Variants in TXK observed in about 807,000 individuals in gnomAD.
TXK encodes tyrosine-protein kinase TXK.
In TXK, 60 loss-of-function variants were observed where a neutral mutation model predicts 81.0. The ratio of observed to expected loss-of-function variants is 0.74; its 90% CI spans 0.60 to 0.92. The LOEUF is 0.92. TXK is among the 40% of genes least tolerant of loss of function. The pLI is 0.00. For missense variants in TXK, 581 were observed against 638.3 expected (o/e 0.91, Z 0.97); for synonymous variants, 203 against 210.7 (o/e 0.96, Z 0.32).
At chr4:48,129,601 A>G (rs1719188859) in intron 1 of TXK, among the ~76,000 whole-genome samples, 1 of 152,174 alleles carries the variant, frequency 6.6e-6, no homozygotes, top group African/African-American at 2.4e-5. Context: ...AGGTGCTGTA[A>G]GGAAAGGCAG....
intron 7 of TXK, among the ~76,000 whole-genome samples, chr4:48,094,685 C>T (rs1184665008): frequency 6.6e-6 from 1 of 152,176 alleles, no homozygotes; most frequent in East Asian, 1.9e-4. Flanking sequence ...TGCAAAGAAG[C>T]TGAGATATTT....
chr4:48,073,406 A>G (rs183626833), intron 13 of TXK, among the ~76,000 whole-genome samples: 2 of 152,316 alleles, frequency 1.3e-5, no homozygotes, highest in African/African-American at 4.8e-5. Flanking sequence ...TCAATGAAGA[A>G]CATTATCCAA....
chr4:48,070,429 C>T lies in TXK; in HGVS notation c.1515+1088G>A, dbSNP rs181939583. Among the ~76,000 whole-genome samples, 277 of 152,260 alleles carry T rather than the reference C, an allele frequency of 1.8e-3. 1 individual carries two copies. The highest frequency in any genetic ancestry group is 3.2e-3 in the Non-Finnish European group (220 of 68,016). Reference sequence around the variant, plus strand: ...CCTGACTGCCAGAAGACAGATGAAACCCATTACTATTAGCGTTGGAAAAGC... The same window carrying T: ...CCTGACTGCCAGAAGACAGATGAAATCCATTACTATTAGCGTTGGAAAAGC... On this transcript the variant is annotated intron_variant, in intron 14 of 14. Coordinates refer to ENST00000264316, the MANE Select transcript of TXK (RefSeq NM_003328.3).
At chr4:48,092,474 T>C (rs1269509871) in intron 8 of TXK, among the ~76,000 whole-genome samples, 3 of 152,008 alleles carry the variant, frequency 2.0e-5, no homozygotes, top group Non-Finnish European at 4.4e-5. Flanking sequence ...ACTGGTCAAA[T>C]ATGGAGTGTT....
At position 48,113,287 on chromosome 4, in the gene TXK, G is replaced by A; in HGVS notation, c.94C>T (p.Leu32=). Residue 32 remains leucine (L), a synonymous_variant, in exon 3 of 15, where the codon CTG becomes TTG. Transcript: ENST00000264316. ...TCTGGAAGCTCTTCATCTGTGCTCA[G>A]GCTTATCTGTGTTCTCATTTGTCTG... is the stretch of plus-strand genomic sequence containing the variant. The part of the protein sequence containing the change: ...QKRQMRTQIS[L]STDEELPEKY... 6.2e-7 allele frequency: 1 copy of A among 1,610,708 alleles called. No homozygotes were observed. Among genetic ancestry groups the A allele is most frequent in the Non-Finnish European group, 8.5e-7 (1 of 1,177,718 alleles).
At chr4:48,095,768 G>A (rs1473017602) in intron 6 of TXK, among the ~76,000 whole-genome samples, 1 of 152,154 alleles carries the variant, frequency 6.6e-6, no homozygotes, top group Non-Finnish European at 1.5e-5. Context: ...GGTATGGGAA[G>A]ATAAAAAGAA....
At chr4:48,083,759 T>C (rs1354075894) in intron 10 of TXK, among the ~76,000 whole-genome samples, 1 of 152,226 alleles carries the variant, frequency 6.6e-6, no homozygotes, top group Non-Finnish European at 1.5e-5. Context: ...ATAAAGGTTA[T>C]ATTATTAGAG....
At chr4:48,091,550 G>A (rs866116179) in intron 8 of TXK, among the ~76,000 whole-genome samples, 71 of 151,680 alleles carry the variant, frequency 4.7e-4, no homozygotes, top group South Asian at 4.2e-4. Flanking sequence ...TTGTTGCCCA[G>A]GCTGGAGTGC....
chr4:48,071,908 C>G (rs1208931351), intron 13 of TXK, among the ~76,000 whole-genome samples: 3 of 151,068 alleles, frequency 2.0e-5, no homozygotes, highest in African/African-American at 4.9e-5. Flanking sequence ...GTCCATGGGT[C>G]TTGATTGCCT....
intron 4 of TXK, 107 bp downstream of exon 4, chr4:48,112,200 G>T: frequency 2.9e-6 from 3 of 1,044,894 alleles, no homozygotes; most frequent in Non-Finnish European, 4.4e-6. Context: ...GGGGAGAGGG[G>T]ACAGATTCCA....
intron 10 of TXK, among the ~76,000 whole-genome samples, chr4:48,083,730 G>T (rs997103585): frequency 1.3e-5 from 2 of 152,174 alleles, no homozygotes; most frequent in Admixed American, 6.5e-5. Flanking sequence ...ACACTCACCA[G>T]GTTAAACAGG....
At chr4:48,078,877 T>C (rs1324368506) in intron 11 of TXK, among the ~76,000 whole-genome samples, 2 of 152,176 alleles carry the variant, frequency 1.3e-5, no homozygotes, top group East Asian at 1.9e-4. Flanking sequence ...GCTTGGCATA[T>C]ACTAGGCACT....
chr4:48,080,162 T>C (rs1470626961), intron 10 of TXK, 34 bp from the exon 11 acceptor site: 11 of 1,525,416 alleles, frequency 7.2e-6, no homozygotes, highest in Non-Finnish European at 9.1e-6. Flanking sequence ...GTGAGCAGAA[T>C]TGTGTTTGCA....
chr4:48,116,250 A>C (rs567380157), intron 1 of TXK, among the ~76,000 whole-genome samples: 98 of 152,310 alleles, frequency 6.4e-4, no homozygotes, highest in Non-Finnish European at 1.0e-3. Context: ...GTGAGGACTA[A>C]TTGAGTCGAT....
At chr4:48,074,651 T>C (rs570635608) in intron 12 of TXK, among the ~76,000 whole-genome samples, 3 of 152,332 alleles carry the variant, frequency 2.0e-5, no homozygotes, top group East Asian at 1.9e-4. Context: ...TCTCTCTTTT[T>C]TGAGAATTGT....
chr4:48,078,559 A>T (rs1560341250), intron 11 of TXK, among the ~76,000 whole-genome samples: 1 of 152,262 alleles, frequency 6.6e-6, no homozygotes, highest in Non-Finnish European at 1.5e-5. Context: ...AATATCACGA[A>T]TAAATGTGGA....
intron 9 of TXK, among the ~76,000 whole-genome samples, chr4:48,088,746 T>C (rs1391654583): frequency 6.6e-6 from 1 of 152,176 alleles, no homozygotes; most frequent in Non-Finnish European, 1.5e-5. Context: ...AACTTTGTAT[T>C]ATATATACTA....
At chr4:48,081,248 A>C (rs1717288815) in intron 10 of TXK, among the ~76,000 whole-genome samples, 1 of 152,158 alleles carries the variant, frequency 6.6e-6, no homozygotes, top group Non-Finnish European at 1.5e-5. Context: ...CAAGAAATCC[A>C]CCAAGTTGAT....
At position 48,067,390 on chromosome 4, in the gene TXK, C is replaced by T. The variant is rs1716646978; in HGVS notation, c.*247G>A. The T allele has an allele frequency of 2.3e-6, 1 of 439,250 alleles. No homozygotes were observed. 27.2% of individuals were successfully genotyped at this position (439,250 alleles called of 1,614,324 possible). A position where few individuals can be genotyped will look rare whatever the true frequency, so the allele number is the denominator to read the frequency against. ...TGCTGCGAAGTCTTTTTCACTTCTTCACATTTGGGATGTGAAATATTTTAC... is the reference window on the plus strand; with the variant it reads ...TGCTGCGAAGTCTTTTTCACTTCTTTACATTTGGGATGTGAAATATTTTAC... On this transcript the variant is annotated 3_prime_UTR_variant, in exon 15 of 15. Transcript: ENST00000264316.
Sources: allele counts gnomAD v4.1 joint callset (sites outside exome capture counted in the v4.1 genomes callset), GRCh38; gene constraint gnomAD v4.1.1; transcripts MANE v1.5; gene names NCBI Gene and HGNC (gene_info 2026-07-23, HGNC 2026-07-21).